The following FSD2 variants were observed in gnomAD, a reference collection of about 807,000 sequenced individuals.
FSD2 encodes fibronectin type III and SPRY domain-containing protein 2.
A neutral mutation model predicts 80.4 loss-of-function variants in FSD2; 71 were observed. The observed-to-expected ratio is 0.88, with a 90% CI of 0.73 to 1.08. The LOEUF (loss-of-function observed/expected upper bound fraction) is 1.08, where lower values mean the gene tolerates loss of function less well. Among genes scored for constraint, FSD2 ranks in the 50% least tolerant of loss-of-function variants. FSD2 has a pLI of 0.00. For synonymous variants in FSD2, 361 were observed against 329.5 expected, an observed-to-expected ratio of 1.10 and a Z score of -1.03; for missense variants, 923 against 913.8, an observed-to-expected ratio of 1.01 and a Z score of -0.13.
rs746324032 is a variant in FSD2, at chr15:82,769,890, G to GAA, written c.1268-8_1268-7dup. 9 of 1,597,840 alleles carry GAA rather than the reference G, an allele frequency of 5.6e-6. No individual in the cohort carries two copies. Among genetic ancestry groups the GAA allele is most frequent in the Non-Finnish European group, 6.8e-6 (8 of 1,171,276 alleles). ...TTTGACAGTCACTGTAAACTCTGGG[G>GAA]AAAAAAAAAGATAAGAATTCAACCC... On this transcript the variant is annotated splice_polypyrimidine_tract_variant and splice_region_variant and intron_variant, in intron 7 of 12. Transcript: ENST00000334574.
chr15:82,756,014 A>C lies in FSD2; in HGVS notation c.*3334T>G. On this transcript the variant is annotated 3_prime_UTR_variant, in exon 13 of 13. Transcript: ENST00000334574. ...CTTTTAGCCTCCTAAATGAAAAGGTAGATAGAACAGGTCTTGTTTGCAAAA... is the reference window on the plus strand; with the variant it reads ...CTTTTAGCCTCCTAAATGAAAAGGTCGATAGAACAGGTCTTGTTTGCAAAA... The C allele has an allele frequency of 3.9e-6, 2 of 514,544 alleles. No homozygotes were observed. Among genetic ancestry groups the C allele is most frequent in the South Asian group, 2.8e-5 (2 of 70,594 alleles). 31.9% of individuals were successfully genotyped at this position (514,544 alleles called of 1,614,324 possible).
Position 82,756,878 on chromosome 15 carries a change from C to A in FSD2, c.*2470G>T, listed in dbSNP as rs1567293388. 6.6e-6 allele frequency: 1 copy of A among 151,910 alleles called. No homozygotes were observed. Among genetic ancestry groups the A allele is most frequent in the East Asian group, 1.9e-4 (1 of 5,204 alleles). The allele number at this position is 151,910 out of a possible 1,614,324, so 9.4% of individuals were successfully genotyped here. On this transcript the variant is annotated 3_prime_UTR_variant, in exon 13 of 13. Coordinates refer to ENST00000334574, the MANE Select transcript of FSD2 (RefSeq NM_001007122.4). ...TACAGTGGTCTAATTTTTAAAAACT[C>A]TTTTTTTTGCTTTGTTTTTTAACAG...
chr15:82,778,150 AT>A (rs2049765003), intron 6 of FSD2, among the ~76,000 whole-genome samples: 1 of 138,808 alleles, frequency 7.2e-6, no homozygotes, highest in Non-Finnish European at 1.5e-5. Context: ...ATATATATAT[AT>A]ATATATAATA....
At position 82,765,195 on chromosome 15, in the gene FSD2, C is replaced by T; in HGVS notation, c.1791G>A (p.Glu597=). The T allele has an allele frequency of 6.2e-7, 1 of 1,606,128 alleles. No individual in the cohort carries two copies. The highest frequency in any genetic ancestry group is 2.2e-5 in the East Asian group (1 of 44,540). The part of the protein sequence containing the change: ...VRSERRTPAR[E]LSPSDTHFTR... ...TGAAGTGAGTGTCGCTGGGTGACAG[C>T]TCCCTGGCGGGGGTTCTCCTTTCAC... The change falls in exon 11 of 13, where the codon GAG becomes GAA. Residue 597 remains glutamate (E), a synonymous_variant. Transcript: ENST00000334574.
At chr15:82,788,648 C>T (rs1031334248) in intron 1 of FSD2, among the ~76,000 whole-genome samples, 1 of 152,022 alleles carries the variant, frequency 6.6e-6, no homozygotes, top group African/African-American at 2.4e-5. Context: ...CATATGCTGC[C>T]GGCTAGAATG....
At chr15:82,767,084 A>G (rs1455967626) in intron 9 of FSD2, among the ~76,000 whole-genome samples, 1 of 152,140 alleles carries the variant, frequency 6.6e-6, no homozygotes, top group Admixed American at 6.5e-5. Context: ...ATGTTAACTA[A>G]ACTCCTTAGG....
intron 1 of FSD2, among the ~76,000 whole-genome samples, chr15:82,792,816 G>T (rs1212446246): frequency 6.6e-6 from 1 of 152,080 alleles, no homozygotes; most frequent in Non-Finnish European, 1.5e-5. Context: ...TGTCATATGT[G>T]ACTAGATTCA....
intron 6 of FSD2, among the ~76,000 whole-genome samples, chr15:82,773,731 A>G (rs938430499): frequency 5.3e-5 from 8 of 152,240 alleles, no homozygotes; most frequent in African/African-American, 1.9e-4. Context: ...GATTTGCATT[A>G]CAGTATGGTT....
At position 82,759,221 on chromosome 15, in the gene FSD2, A is replaced by G; in HGVS notation, c.*127T>C. On this transcript the variant is annotated 3_prime_UTR_variant, in exon 13 of 13. Coordinates refer to ENST00000334574, the MANE Select transcript of FSD2 (RefSeq NM_001007122.4). ...TGAAATGAGCGCTAGCACACCAGTC[A>G]GATAATAGCATGAGCCATAAATTGT... 4.0e-6 allele frequency: 4 copies of G among 1,009,122 alleles called. No homozygotes were observed. Among genetic ancestry groups the G allele is most frequent in the Non-Finnish European group, 5.7e-6 (4 of 705,770 alleles). 62.5% of individuals were successfully genotyped at this position (1,009,122 alleles called of 1,614,324 possible). A position where few individuals can be genotyped will look rare whatever the true frequency, so the allele number is the denominator to read the frequency against.
At chr15:82,774,781 G>GTGC (rs2049672687) in intron 6 of FSD2, among the ~76,000 whole-genome samples, 1 of 151,462 alleles carries the variant, frequency 6.6e-6, no homozygotes. Flanking sequence ...GAGTGCAGTG[G>GTGC]TGCGATCTCG....
intron 1 of FSD2, among the ~76,000 whole-genome samples, chr15:82,796,074 C>A (rs1482308095): frequency 6.9e-6 from 1 of 145,808 alleles, no homozygotes; most frequent in Non-Finnish European, 1.5e-5. Flanking sequence ...GCGATCTCTG[C>A]TCACTCAACC....
At chr15:82,798,418 A>T (rs932234392) in intron 1 of FSD2, among the ~76,000 whole-genome samples, 1 of 152,156 alleles carries the variant, frequency 6.6e-6, no homozygotes, top group Admixed American at 6.6e-5. Flanking sequence ...TTTTTAGTAA[A>T]TTCCCCAAAT....
At chr15:82,802,665 C>T (rs200446199) in intron 1 of FSD2, among the ~76,000 whole-genome samples, 1 of 152,268 alleles carries the variant, frequency 6.6e-6, no homozygotes, top group East Asian at 1.9e-4. Context: ...TGCTTCTTCT[C>T]TATGGGCCTC....
intron 5 of FSD2, among the ~76,000 whole-genome samples, chr15:82,779,299 TG>T (rs2049795388): frequency 6.6e-6 from 1 of 152,148 alleles, no homozygotes; most frequent in South Asian, 2.1e-4. Flanking sequence ...CTCAAGTTGC[TG>T]ATCATGGGAC....
chr15:82,780,659 T>C (rs2049833026), intron 4 of FSD2, among the ~76,000 whole-genome samples: 1 of 151,840 alleles, frequency 6.6e-6, no homozygotes, highest in South Asian at 2.1e-4. Context: ...TACCAACATA[T>C]TGTTATAAAT....
chr15:82,795,143 C>T (rs796923249), intron 1 of FSD2, among the ~76,000 whole-genome samples: 48 of 152,274 alleles, frequency 3.2e-4, no homozygotes, highest in African/African-American at 1.1e-3. Context: ...TTGCTGTTTA[C>T]ATGATTTATC....
intron 11 of FSD2, among the ~76,000 whole-genome samples, chr15:82,764,741 G>T (rs1162978071): frequency 2.0e-5 from 3 of 151,954 alleles, no homozygotes; most frequent in African/African-American, 7.3e-5. Context: ...GCTTCCCAAA[G>T]TGCTGTGATT....
At chr15:82,788,504 CAAA>C (rs11317915) in intron 1 of FSD2, among the ~76,000 whole-genome samples, 22 of 66,208 alleles carry the variant, frequency 3.3e-4, no homozygotes, top group African/African-American at 8.6e-4. Context: ...GACCCTGTCT[CAAA>C]AAAAAAAAAA....
rs1473878017 is a variant in FSD2 at position 82,782,940 on chromosome 15, A to AT, written c.820dup (p.Ile274AsnfsTer56). On this transcript the variant is annotated frameshift_variant, in exon 4 of 13. Coordinates refer to ENST00000334574, the MANE Select transcript of FSD2 (RefSeq NM_001007122.4). LOFTEE classifies it high-confidence loss of function. ...TTTCTTTTTCTCCCCTAGAGCTTGT[A>AT]TTTTTTCCTCATATTTTTGAGCAAG... 6.2e-7 allele frequency: 1 copy of AT among 1,613,080 alleles called. No individual in the cohort carries two copies. Among genetic ancestry groups the AT allele is most frequent in the Admixed American group, 1.7e-5 (1 of 59,912 alleles).
Sources: allele counts gnomAD v4.1 joint callset (sites outside exome capture counted in the v4.1 genomes callset), GRCh38; gene constraint gnomAD v4.1.1; transcripts MANE v1.5; gene names NCBI Gene and HGNC (gene_info 2026-07-23, HGNC 2026-07-21).